Variants in EXT1 observed in about 807,000 individuals in gnomAD.
The protein encoded by EXT1 is exostosin-1.
EXT1 carries 20 observed loss-of-function variants against 82.5 expected under a neutral mutation model. The observed-to-expected ratio is 0.24, with a 90% CI of 0.17 to 0.35. The LOEUF (loss-of-function observed/expected upper bound fraction) is 0.35, where lower values mean the gene tolerates loss of function less well. EXT1 is among the 10% of genes least tolerant of loss of function. EXT1 has a pLI of 1.00. For synonymous variants in EXT1, 348 were observed against 350.8 expected (o/e 0.99, Z 0.09); for missense variants, 757 against 936.5 (o/e 0.81, Z 2.50).
intron 4 of EXT1, among the ~76,000 whole-genome samples, chr8:117,826,934 T>C (rs923699107): frequency 2.9e-4 from 44 of 152,158 alleles, no homozygotes; most frequent in African/African-American, 8.4e-4. Flanking sequence ...ACTGTTACAA[T>C]AGAAAAATTG....
rs35686154 is a variant in EXT1 at position 117,851,616 on chromosome 8, G to GACACACACACACACACAC, written c.963-14433_963-14416dup. On this transcript the variant is annotated intron_variant, in intron 1 of 10. Transcript: ENST00000378204. Reference sequence around the variant, plus strand: ...CTAAGAAAGCAGTGCAATTTAGCTGGACACACACACACACACACACACACA... The same window carrying GACACACACACACACACAC: ...CTAAGAAAGCAGTGCAATTTAGCTGGACACACACACACACACACACACACACACACACACACACACACA... 6.2e-3 allele frequency among the ~76,000 whole-genome samples: 911 copies of GACACACACACACACACAC among 147,986 alleles called. 13 individuals are homozygous for GACACACACACACACACAC. The highest frequency in any genetic ancestry group is 0.061 in the East Asian group (295 of 4,874).
chr8:118,014,206 A>T (rs1015395332), intron 1 of EXT1, among the ~76,000 whole-genome samples: 1 of 152,198 alleles, frequency 6.6e-6, no homozygotes, highest in African/African-American at 2.4e-5. Flanking sequence ...GGGGTTAAAG[A>T]TATTGGTAAT....
chr8:118,002,381 C>CAAAA lies in EXT1; in HGVS notation c.962+107700_962+107703dup, dbSNP rs772109456. 1.9e-3 allele frequency among the ~76,000 whole-genome samples: 114 copies of CAAAA among 60,828 alleles called. 1 individual carries two copies. Among genetic ancestry groups the CAAAA allele is most frequent in the African/African-American group, 3.1e-3 (51 of 16,444 alleles). 39.9% of individuals were successfully genotyped at this position (60,828 alleles called of 152,430 possible). ...GGGCGACAGACGGCGACTCCGTCTC[C>CAAAA]AAAAAAAAAAAAAAAAAAAAAGGCT... On this transcript the variant is annotated intron_variant, in intron 1 of 10. Transcript: ENST00000378204.
chr8:118,094,544 A>G (rs1269127214), intron 1 of EXT1, among the ~76,000 whole-genome samples: 3 of 152,274 alleles, frequency 2.0e-5, no homozygotes, highest in Non-Finnish European at 2.9e-5. Flanking sequence ...GACAGTAACA[A>G]TAGTTTCTTA....
At chr8:117,878,047 C>T (rs1017092549) in intron 1 of EXT1, among the ~76,000 whole-genome samples, 2 of 152,048 alleles carry the variant, frequency 1.3e-5, no homozygotes, top group Admixed American at 6.6e-5. Context: ...CCGAGGTGGG[C>T]GGATCACTTG....
At chr8:117,823,938 C>T (rs1180646913) in intron 4 of EXT1, among the ~76,000 whole-genome samples, 3 of 152,132 alleles carry the variant, frequency 2.0e-5, no homozygotes, top group African/African-American at 7.2e-5. Context: ...TGTTAAAATG[C>T]TGTTGTCTTG....
Position 117,948,320 on chromosome 8 carries a change from CAAAAAAAA to C in EXT1, c.963-111127_963-111120del, listed in dbSNP as rs34394392. On this transcript the variant is annotated intron_variant, in intron 1 of 10. Transcript: ENST00000378204. The stretch of plus-strand genomic sequence containing the variant: ...AAGAAGTCATTCTGACTGCCCTTGC[CAAAAAAAA>C]AAAAAAAAAAAAAGGAGTAGTAACA... 1.5e-4 allele frequency among the ~76,000 whole-genome samples: 8 copies of C among 51,916 alleles called. No individual in the cohort carries two copies. The East Asian group carries it at 4.8e-3, about 31-fold the overall frequency. The allele number at this position is 51,916 out of a possible 152,430, so 34.1% of individuals were successfully genotyped here. A position where few individuals can be genotyped will look rare whatever the true frequency, so the allele number is the denominator to read the frequency against.
intron 1 of EXT1, among the ~76,000 whole-genome samples, chr8:117,894,787 G>A (rs541383929): frequency 4.4e-4 from 67 of 152,262 alleles, no homozygotes; most frequent in African/African-American, 1.5e-3. Context: ...TCTGGACTGC[G>A]GCAAATTAAA....
Position 117,802,320 on chromosome 8 carries a change from T to C in EXT1, c.2055+2402A>G, listed in dbSNP as rs147528845. Among the ~76,000 whole-genome samples, 160 of 152,290 alleles carry C rather than the reference T, an allele frequency of 1.1e-3. 1 individual carries two copies. The highest frequency in any genetic ancestry group is 3.2e-3 in the African/African-American group (134 of 41,558). On this transcript the variant is annotated intron_variant, in intron 10 of 10. Coordinates refer to ENST00000378204, the MANE Select transcript of EXT1 (RefSeq NM_000127.3). ...TTCTGAAGAACTCTGAGTAAAAAAATATTTTTAAAATGTCATGTCCTTAAA... is the reference window on the plus strand; with the variant it reads ...TTCTGAAGAACTCTGAGTAAAAAAACATTTTTAAAATGTCATGTCCTTAAA...
At chr8:118,043,807 T>C (rs1433568967) in intron 1 of EXT1, among the ~76,000 whole-genome samples, 1 of 152,166 alleles carries the variant, frequency 6.6e-6, no homozygotes, top group African/African-American at 2.4e-5. Flanking sequence ...CCTCCACTAC[T>C]GGGAGGAGGA....
intron 1 of EXT1, among the ~76,000 whole-genome samples, chr8:118,022,711 C>A (rs1816130684): frequency 6.6e-6 from 1 of 151,692 alleles, no homozygotes. Context: ...CCAACAATGT[C>A]TATAACTGTT....
chr8:118,086,795 A>T (rs1239681364), intron 1 of EXT1, among the ~76,000 whole-genome samples: 2 of 152,226 alleles, frequency 1.3e-5, no homozygotes. Flanking sequence ...AATATTAGAT[A>T]TGTGTACTTC....
At chr8:118,006,987 A>G (rs564645668) in intron 1 of EXT1, among the ~76,000 whole-genome samples, 35 of 152,312 alleles carry the variant, frequency 2.3e-4, no homozygotes, top group African/African-American at 8.2e-4. Flanking sequence ...TTGGCAATTA[A>G]TTCAATTTTT....
chr8:117,888,552 A>C lies in EXT1; in HGVS notation c.963-51351T>G, dbSNP rs535360064. ...AACATGGGTTAGTTAAGTGTTCTAT[A>C]AATGGCCTAGAGAAAGCTGAATGCT... is the stretch of plus-strand genomic sequence containing the variant. On this transcript the variant is annotated intron_variant, in intron 1 of 10. Coordinates refer to ENST00000378204, the MANE Select transcript of EXT1 (RefSeq NM_000127.3). Among the ~76,000 whole-genome samples the C allele has an allele frequency of 1.8e-4, 28 of 152,296 alleles. No individual in the cohort carries two copies. The South Asian group carries it at 4.4e-3, about 24-fold the overall frequency.
chr8:117,803,006 TG>T (rs757457178), intron 10 of EXT1, among the ~76,000 whole-genome samples: 11 of 152,202 alleles, frequency 7.2e-5, no homozygotes, highest in Non-Finnish European at 1.6e-4. Context: ...AGATTTCCTT[TG>T]CAAAAGCTAG....
At chr8:117,966,996 T>C (rs1381104784) in intron 1 of EXT1, among the ~76,000 whole-genome samples, 1 of 152,212 alleles carries the variant, frequency 6.6e-6, no homozygotes, top group Non-Finnish European at 1.5e-5. Context: ...TGGCCCTAAG[T>C]ACGTTTTAAA....
At chr8:117,929,015 C>T (rs914279017) in intron 1 of EXT1, among the ~76,000 whole-genome samples, 2 of 152,100 alleles carry the variant, frequency 1.3e-5, no homozygotes, top group Non-Finnish European at 2.9e-5. Flanking sequence ...GGATCATTTG[C>T]ATTAAGTCTG....
chr8:118,056,675 T>TG (rs975302394), intron 1 of EXT1, among the ~76,000 whole-genome samples: 3 of 152,192 alleles, frequency 2.0e-5, no homozygotes, highest in Non-Finnish European at 2.9e-5. Context: ...AGCCTAGTGC[T>TG]GGGGGGTCCT....
chr8:117,855,992 C>T (rs1299460412), intron 1 of EXT1, among the ~76,000 whole-genome samples: 2 of 152,030 alleles, frequency 1.3e-5, no homozygotes, highest in African/African-American at 4.8e-5. Flanking sequence ...AAATCCAAGG[C>T]TAGAGATGAT....
Sources: allele counts gnomAD v4.1 joint callset (sites outside exome capture counted in the v4.1 genomes callset), GRCh38; gene constraint gnomAD v4.1.1; transcripts MANE v1.5; gene names NCBI Gene and HGNC (gene_info 2026-07-23, HGNC 2026-07-21).